Variants in AFG2A observed in about 807,000 individuals in gnomAD.
The protein encoded by AFG2A is AAA ATPase AFG2A, also known as ATPase family gene 2 protein homolog A.
At chr4:123,017,645 G>T in the AFG2A span, among the ~76,000 whole-genome samples, 1 of 151,378 alleles carries the variant, frequency 6.6e-6, no homozygotes, top group African/African-American at 2.4e-5. Flanking sequence ...TAGTAATTTG[G>T]TACACTTATG....
chr4:123,041,238 G>C, the AFG2A span, among the ~76,000 whole-genome samples: 1 of 149,548 alleles, frequency 6.7e-6, no homozygotes, highest in Non-Finnish European at 1.5e-5. Flanking sequence ...AGCTTCCCAA[G>C]TAGCTGGGAT....
the AFG2A span, among the ~76,000 whole-genome samples, chr4:123,220,841 C>G: frequency 6.6e-6 from 1 of 151,962 alleles, no homozygotes; most frequent in East Asian, 1.9e-4. Context: ...ATTTTGGAGG[C>G]TCAGGTAGTC....
the AFG2A span, among the ~76,000 whole-genome samples, chr4:123,082,115 C>T: frequency 1.3e-5 from 2 of 152,060 alleles, no homozygotes; most frequent in Non-Finnish European, 1.5e-5. Flanking sequence ...TTTTACAGAG[C>T]AGAAGGTTTT....
the AFG2A span, among the ~76,000 whole-genome samples, chr4:123,053,970 A>G: frequency 6.6e-6 from 1 of 152,156 alleles, no homozygotes; most frequent in Non-Finnish European, 1.5e-5. Context: ...TGTGTAAGCA[A>G]CTATAAGCTG....
At chr4:122,981,846 G>C in the AFG2A span, among the ~76,000 whole-genome samples, 1 of 150,582 alleles carries the variant, frequency 6.6e-6, no homozygotes, top group African/African-American at 2.4e-5. Flanking sequence ...TTTTGTTGTC[G>C]ATTTTGTATC....
chr4:123,093,054 G>A, the AFG2A span, among the ~76,000 whole-genome samples: 2 of 152,158 alleles, frequency 1.3e-5, no homozygotes, highest in Non-Finnish European at 2.9e-5. Context: ...ATTAGCATTT[G>A]ATTGAATAAG....
the AFG2A span, among the ~76,000 whole-genome samples, chr4:123,265,899 C>T: frequency 1.3e-5 from 2 of 151,952 alleles, no homozygotes; most frequent in Non-Finnish European, 2.9e-5. Context: ...TCTCTATTTC[C>T]TCATTCTTTT....
At chr4:123,113,332 A>C in the AFG2A span, among the ~76,000 whole-genome samples, 1 of 152,176 alleles carries the variant, frequency 6.6e-6, no homozygotes, top group African/African-American at 2.4e-5. Context: ...ATAGGATAGG[A>C]GAAAAACAAC....
chr4:123,003,530 A>G, the AFG2A span, among the ~76,000 whole-genome samples: 3,294 of 151,798 alleles, frequency 0.022, 62 homozygotes, highest in Non-Finnish European at 0.036. Flanking sequence ...AACAGACAGG[A>G]CCCTCAGCTG....
the AFG2A span, among the ~76,000 whole-genome samples, chr4:123,031,837 T>A: frequency 6.6e-6 from 1 of 152,256 alleles, no homozygotes; most frequent in South Asian, 2.1e-4. Flanking sequence ...ATACGTACTG[T>A]ACTCAGGGTG....
At chr4:122,993,570 A>G in the AFG2A span, among the ~76,000 whole-genome samples, 1 of 152,248 alleles carries the variant, frequency 6.6e-6, no homozygotes, top group East Asian at 1.9e-4. Context: ...AAAGTATAAG[A>G]CTAAAATGTA....
the AFG2A span, among the ~76,000 whole-genome samples, chr4:123,190,328 C>T: frequency 0.01 from 1,587 of 152,204 alleles, 26 homozygotes; most frequent in African/African-American, 0.036. Flanking sequence ...GAATTAGTTC[C>T]GGAAACATAT....
the AFG2A span, chr4:122,947,392 G>A: frequency 6.2e-7 from 1 of 1,614,038 alleles, no homozygotes; most frequent in Non-Finnish European, 8.5e-7. Context: ...GCTTCGAAGG[G>A]TACCCCATTT....
the AFG2A span, among the ~76,000 whole-genome samples, chr4:123,113,593 A>G: frequency 6.6e-6 from 1 of 152,214 alleles, no homozygotes; most frequent in Non-Finnish European, 1.5e-5. Flanking sequence ...CAAGATTGTC[A>G]GTAATTAAAG....
At chr4:123,026,105 A>ATGTG in the AFG2A span, among the ~76,000 whole-genome samples, 340 of 149,236 alleles carry the variant, frequency 2.3e-3, 1 homozygote, top group Middle Eastern at 0.01. Context: ...GTGTATGTGT[A>ATGTG]TGTGTGTGTG....
At chr4:123,256,167 A>T in the AFG2A span, 1 of 1,614,096 alleles carries the variant, frequency 6.2e-7, no homozygotes, top group Non-Finnish European at 8.5e-7. Flanking sequence ...ACCGACGCAT[A>T]CTCAGGAGCA....
At chr4:123,213,490 T>G in the AFG2A span, among the ~76,000 whole-genome samples, 2 of 152,150 alleles carry the variant, frequency 1.3e-5, no homozygotes, top group Non-Finnish European at 2.9e-5. Flanking sequence ...AAAACTAGTA[T>G]TCACTGCACC....
At chr4:123,139,411 TTTTC>T in the AFG2A span, among the ~76,000 whole-genome samples, 1 of 152,076 alleles carries the variant, frequency 6.6e-6, no homozygotes, top group African/African-American at 2.4e-5. Context: ...TTTATTTATT[TTTTC>T]TTTCTTTCTG....
At chr4:123,166,558 A>G in the AFG2A span, among the ~76,000 whole-genome samples, 2 of 152,174 alleles carry the variant, frequency 1.3e-5, no homozygotes, top group Non-Finnish European at 2.9e-5. Context: ...ATCCAGTGCA[A>G]CTTATTAAAT....
Sources: gnomAD v4.1 joint callset for allele counts (sites outside exome capture counted in the v4.1 genomes callset) on GRCh38, gnomAD v4.1.1 for gene constraint, MANE v1.5 for transcripts, NCBI Gene and HGNC (gene_info 2026-07-23, HGNC 2026-07-21) for gene names.